NBEA: variants seen among roughly 807,000 people sequenced by gnomAD.
The protein encoded by NBEA is lysosomal-trafficking regulator 2.
Under a neutral mutation model 343.4 loss-of-function variants are expected in NBEA, and 44 were observed. The ratio of observed to expected loss-of-function variants is 0.13; its 90% CI spans 0.10 to 0.16. NBEA has a LOEUF of 0.16. Among genes scored for constraint, NBEA ranks in the 10% least tolerant of loss-of-function variants. The pLI, the probability that NBEA is intolerant of heterozygous loss-of-function variation, is 1.00. For synonymous variants in NBEA, 1,175 were observed against 1,238.7 expected, an observed-to-expected ratio of 0.95 and a Z score of 1.08; for missense variants, 2,555 against 3,631.3, an observed-to-expected ratio of 0.70 and a Z score of 7.62.
intron 34 of NBEA, among the ~76,000 whole-genome samples, chr13:35,242,369 C>G (rs2030455286): frequency 6.6e-6 from 1 of 151,554 alleles, no homozygotes; most frequent in South Asian, 2.1e-4. Flanking sequence ...AGCTAGAGGA[C>G]CAAGACAAAC....
At chr13:35,040,495 A>G (rs2062609329) in intron 1 of NBEA, among the ~76,000 whole-genome samples, 1 of 151,966 alleles carries the variant, frequency 6.6e-6, no homozygotes, top group African/African-American at 2.4e-5. Context: ...TATCTTCTAT[A>G]TATTGAGATT....
At position 35,350,285 on chromosome 13, in the gene NBEA, T is replaced by G. The variant is rs1014316933; in HGVS notation, c.6012+1069T>G. ...TGAGCTTTAACATGTTTAACCAAGG[T>G]GACATTAAGCCAAGGGCAGTGTTTC... On this transcript the variant is annotated intron_variant, in intron 37 of 58. Coordinates refer to ENST00000379939, the MANE Select transcript of NBEA (RefSeq NM_001385012.1). Among the ~76,000 whole-genome samples, 5 of 152,248 alleles carry G rather than the reference T, an allele frequency of 3.3e-5. No individual in the cohort carries two copies. In the South Asian group the frequency reaches 1.0e-3, roughly 32 times the overall value.
In NBEA at chr13:35,395,763, A is replaced by T. The variant is rs1227486787; in HGVS notation, c.6180-36506A>T. Among the ~76,000 whole-genome samples, 4 of 152,070 alleles carry T rather than the reference A, an allele frequency of 2.6e-5. No individual in the cohort carries two copies. The East Asian group carries it at 7.7e-4, about 29-fold the overall frequency. Reference sequence around the variant, plus strand: ...TAAAATATTCTAATATGATTGTGAGATTATTTATTCCTATGATTCTGTCAA... The same window carrying T: ...TAAAATATTCTAATATGATTGTGAGTTTATTTATTCCTATGATTCTGTCAA... On this transcript the variant is annotated intron_variant, in intron 38 of 58. Coordinates refer to ENST00000379939, the MANE Select transcript of NBEA (RefSeq NM_001385012.1).
At chr13:35,450,601 A>C (rs2046261823) in intron 39 of NBEA, among the ~76,000 whole-genome samples, 3 of 152,182 alleles carry the variant, frequency 2.0e-5, no homozygotes, top group Admixed American at 2.0e-4. Flanking sequence ...TTTCGACCAA[A>C]GGCATGACAT....
At chr13:35,345,521 T>C (rs1029669879) in intron 36 of NBEA, among the ~76,000 whole-genome samples, 1 of 151,766 alleles carries the variant, frequency 6.6e-6, no homozygotes, top group African/African-American at 2.4e-5. Context: ...TAAAAACAAC[T>C]TGACTGTGAA....
intron 30 of NBEA, among the ~76,000 whole-genome samples, chr13:35,194,020 G>A (rs2072400613): frequency 6.6e-6 from 1 of 151,588 alleles, no homozygotes; most frequent in Non-Finnish European, 1.5e-5. Flanking sequence ...AAGAAAAGGG[G>A]GAGAAAAAAA....
intron 1 of NBEA, among the ~76,000 whole-genome samples, chr13:34,974,870 A>G (rs941906613): frequency 1.3e-5 from 2 of 152,178 alleles, no homozygotes; most frequent in South Asian, 2.1e-4. Context: ...TGCTGGTTCA[A>G]TTGAAATGTT....
At chr13:35,001,270 CAAAT>C (rs534152578) in intron 1 of NBEA, among the ~76,000 whole-genome samples, 3 of 152,146 alleles carry the variant, frequency 2.0e-5, no homozygotes, top group African/African-American at 7.2e-5. Context: ...GGAAGTTTCT[CAAAT>C]AACTGAAAAT....
chr13:35,389,543 C>G (rs1379403165), intron 38 of NBEA, among the ~76,000 whole-genome samples: 2 of 151,834 alleles, frequency 1.3e-5, no homozygotes, highest in African/African-American at 2.4e-5. Context: ...GATCATTGAT[C>G]TAGTATTTTC....
rs1164741319 is a variant in NBEA at position 35,555,094 on chromosome 13, C to CCTG, written c.6914_6915insCTG (p.Thr2305_Ile2306insCys). The CCTG allele has an allele frequency of 6.4e-7, 1 of 1,566,304 alleles. No homozygotes were observed. The highest frequency in any genetic ancestry group is 1.7e-5 in the Admixed American group (1 of 59,404). On this transcript the variant is annotated inframe_insertion, in exon 44 of 59. Coordinates refer to ENST00000379939, the MANE Select transcript of NBEA (RefSeq NM_001385012.1). The stretch of plus-strand genomic sequence containing the variant: ...TTCGAATATTTGATGTTCCTTAATA[C>CCTG]TATTGCAGGTAAGATGTCTCATTCT...
chr13:35,056,939 AAAAC>A (rs1462888359), intron 7 of NBEA, among the ~76,000 whole-genome samples: 3 of 152,138 alleles, frequency 2.0e-5, no homozygotes, highest in Non-Finnish European at 4.4e-5. Context: ...TTATTATAAT[AAAAC>A]AAAGAGACTT....
At chr13:35,346,633 C>T (rs984212302) in intron 36 of NBEA, among the ~76,000 whole-genome samples, 9 of 152,134 alleles carry the variant, frequency 5.9e-5, no homozygotes, top group Non-Finnish European at 1.3e-4. Flanking sequence ...ACAACTTTCC[C>T]ATTAGAATGT....
chr13:35,118,865 G>T (rs1185069133), intron 16 of NBEA, among the ~76,000 whole-genome samples: 7 of 149,514 alleles, frequency 4.7e-5, no homozygotes, highest in Non-Finnish European at 8.9e-5. Context: ...AACTTTAGTG[G>T]TTTTTTTCTT....
intron 17 of NBEA, among the ~76,000 whole-genome samples, chr13:35,130,257 G>A (rs763501858): frequency 6.6e-6 from 1 of 152,034 alleles, no homozygotes. Context: ...GAAGGGTAAA[G>A]TGGTAGGGAA....
chr13:35,544,287 G>A (rs112485045), intron 41 of NBEA, among the ~76,000 whole-genome samples: 50 of 151,968 alleles, frequency 3.3e-4, no homozygotes, highest in African/African-American at 1.0e-3. Context: ...GATTTTTTTC[G>A]TATTCAAAGA....
chr13:35,003,950 G>GAC (rs1207017470), intron 1 of NBEA, among the ~76,000 whole-genome samples: 1 of 151,852 alleles, frequency 6.6e-6, no homozygotes, highest in African/African-American at 2.4e-5. Flanking sequence ...ACCCTACCCT[G>GAC]ACAGGGTGTG....
intron 30 of NBEA, among the ~76,000 whole-genome samples, chr13:35,189,872 A>G (rs1304180744): frequency 6.6e-6 from 1 of 152,138 alleles, no homozygotes; most frequent in Non-Finnish European, 1.5e-5. Context: ...GAGGCTGTTA[A>G]TTCAAGAAAA....
intron 35 of NBEA, among the ~76,000 whole-genome samples, chr13:35,296,857 A>G (rs1194926545): frequency 6.6e-6 from 1 of 151,964 alleles, no homozygotes. Context: ...ATTAGCTATC[A>G]TATAATAAGT....
At chr13:35,475,404 GC>G (rs1489102829) in intron 41 of NBEA, 4 of 1,613,598 alleles carry the variant, frequency 2.5e-6, no homozygotes, top group African/African-American at 2.7e-5. Context: ...TCTTTCTGCA[GC>G]CCCCCATCTG....
Sources: allele counts gnomAD v4.1 joint callset (sites outside exome capture counted in the v4.1 genomes callset), GRCh38; gene constraint gnomAD v4.1.1; transcripts MANE v1.5; gene names NCBI Gene and HGNC (gene_info 2026-07-23, HGNC 2026-07-21).